The following PHF14 variants were observed in gnomAD, a reference collection of about 807,000 sequenced individuals.
PHF14 encodes the protein PHD finger protein 14.
PHF14 carries 55 observed loss-of-function variants against 117.9 expected under a neutral mutation model. That is an observed-to-expected ratio of 0.47 (90% CI 0.38 to 0.58). The LOEUF (loss-of-function observed/expected upper bound fraction) is 0.58, where lower values mean the gene tolerates loss of function less well. Ranked by LOEUF, PHF14 falls within the 20% of genes least tolerant of loss-of-function variation. The pLI is 0.00. For synonymous variants in PHF14, 409 were observed against 368.6 expected, an observed-to-expected ratio of 1.11 and a Z score of -1.26; for missense variants, 978 against 1,122.2, an observed-to-expected ratio of 0.87 and a Z score of 1.84.
At chr7:10,997,885 C>T (rs1037571964) in intron 4 of PHF14, among the ~76,000 whole-genome samples, 4 of 152,266 alleles carry the variant, frequency 2.6e-5, no homozygotes, top group Admixed American at 2.0e-4. Flanking sequence ...ACCATTTCTG[C>T]CATATTCCGC....
At chr7:11,154,906 A>T (rs1190165687) in intron 17 of PHF14, among the ~76,000 whole-genome samples, 1 of 152,148 alleles carries the variant, frequency 6.6e-6, no homozygotes. Context: ...CAAGATCAAG[A>T]AATTAGAGTG....
Position 11,051,717 on chromosome 7 carries a change from A to G in PHF14, c.2418A>G (p.Glu806=). Residue 806 remains glutamate, a synonymous_variant, in exon 14 of 18, where the codon GAA becomes GAG. Transcript: ENST00000634607. The part of the protein sequence containing the change: ...GTKRSRRQIK[E]PVKFVPQDVP... The stretch of plus-strand genomic sequence containing the variant: ...AACGATCAAGGAGGCAGATTAAGGA[A>G]CCAGTGAAATTTGTTCCACAGGATG... 1.2e-6 allele frequency: 2 copies of G among 1,613,688 alleles called. No individual in the cohort carries two copies. Among genetic ancestry groups the G allele is most frequent in the Non-Finnish European group, 1.7e-6 (2 of 1,179,674 alleles).
chr7:11,073,734 CT>C (rs1785714108), intron 16 of PHF14, among the ~76,000 whole-genome samples: 1 of 152,218 alleles, frequency 6.6e-6, no homozygotes, highest in Non-Finnish European at 1.5e-5. Context: ...TGTGAAGGCT[CT>C]GTCTCTGTGA....
chr7:11,109,540 CAT>C (rs376428725), intron 16 of PHF14: 4 of 151,966 alleles, frequency 2.6e-5, no homozygotes, highest in African/African-American at 9.6e-5. Context: ...TCAGCCTTCT[CAT>C]AAACTCAGAA....
At chr7:11,096,652 A>C (rs1786880720) in intron 16 of PHF14, among the ~76,000 whole-genome samples, 1 of 152,192 alleles carries the variant, frequency 6.6e-6, no homozygotes, top group Non-Finnish European at 1.5e-5. Flanking sequence ...ATGTGAAAAG[A>C]AAAAGAAAAA....
intron 6 of PHF14, 68 bp from the exon 7 acceptor site, chr7:11,028,613 G>T: frequency 1.4e-6 from 2 of 1,394,804 alleles, no homozygotes; most frequent in East Asian, 2.3e-5. Context: ...TGGACACTTT[G>T]TATGAGAATG....
intron 2 of PHF14, among the ~76,000 whole-genome samples, chr7:10,978,340 G>T (rs1480597284): frequency 6.6e-6 from 1 of 152,176 alleles, no homozygotes; most frequent in African/African-American, 2.4e-5. Context: ...AAGGATGGTT[G>T]ATCACTTGTG....
At chr7:11,123,926 A>G (rs764162145) in intron 17 of PHF14, among the ~76,000 whole-genome samples, 28 of 152,138 alleles carry the variant, frequency 1.8e-4, no homozygotes, top group Non-Finnish European at 3.5e-4. Flanking sequence ...TCAAAAAAAA[A>G]AAAACTAGAA....
intron 2 of PHF14, among the ~76,000 whole-genome samples, chr7:10,977,666 A>C (rs1453252088): frequency 6.6e-6 from 1 of 152,160 alleles, no homozygotes; most frequent in African/African-American, 2.4e-5. Flanking sequence ...TTTTTGATTG[A>C]AAGCAGTCAA....
intron 4 of PHF14, among the ~76,000 whole-genome samples, chr7:11,001,826 A>C (rs1056276537): frequency 4.6e-5 from 7 of 151,884 alleles, no homozygotes; most frequent in African/African-American, 1.5e-4. Flanking sequence ...AGATAATTTT[A>C]TTTCTTTCTT....
At chr7:11,066,979 A>G (rs137962293) in intron 16 of PHF14, among the ~76,000 whole-genome samples, 1 of 152,284 alleles carries the variant, frequency 6.6e-6, no homozygotes, top group Non-Finnish European at 1.5e-5. Flanking sequence ...GACTAAATTC[A>G]AAGTTAAAAA....
chr7:11,078,735 A>G (rs1785962633), intron 16 of PHF14, among the ~76,000 whole-genome samples: 1 of 152,130 alleles, frequency 6.6e-6, no homozygotes, highest in Admixed American at 6.5e-5. Flanking sequence ...TTTTTAGACT[A>G]TAGCTTTGAA....
At chr7:11,133,394 A>G (rs1788136870) in intron 17 of PHF14, among the ~76,000 whole-genome samples, 1 of 152,116 alleles carries the variant, frequency 6.6e-6, no homozygotes, top group East Asian at 1.9e-4. Flanking sequence ...ATAGACCCAC[A>G]TAAGTATAGT....
chr7:11,024,954 A>G (rs1783858769), intron 6 of PHF14, among the ~76,000 whole-genome samples: 1 of 152,256 alleles, frequency 6.6e-6, no homozygotes, highest in Admixed American at 6.5e-5. Flanking sequence ...GGATCTGGGC[A>G]AAGTAAATTG....
chr7:11,026,209 A>G (rs1259575049), intron 6 of PHF14, among the ~76,000 whole-genome samples: 1 of 152,150 alleles, frequency 6.6e-6, no homozygotes, highest in Non-Finnish European at 1.5e-5. Flanking sequence ...CATCAAAGCA[A>G]CATCTTTCAC....
Position 11,139,808 on chromosome 7 carries a change from A to G in PHF14, c.2772+28341A>G, listed in dbSNP as rs565655686. Among the ~76,000 whole-genome samples, 14 of 152,282 alleles carry G rather than the reference A, an allele frequency of 9.2e-5. No individual in the cohort carries two copies. In the South Asian group the frequency reaches 2.9e-3, roughly 32 times the overall value. The stretch of plus-strand genomic sequence containing the variant: ...AAGTAAAAAGGTAAATGTTTATAGA[A>G]TTGATGAAAATTGAGTAAAATTTTC... On this transcript the variant is annotated intron_variant, in intron 17 of 17. Transcript: ENST00000634607.
At chr7:11,036,007 CA>C (rs1784314554) in intron 8 of PHF14, among the ~76,000 whole-genome samples, 1 of 152,078 alleles carries the variant, frequency 6.6e-6, no homozygotes, top group African/African-American at 2.4e-5. Context: ...TAAATTTTCA[CA>C]TTGAAAAATG....
chr7:10,980,805 G>T (rs1252251654), intron 2 of PHF14, among the ~76,000 whole-genome samples: 12 of 152,158 alleles, frequency 7.9e-5, no homozygotes, highest in Admixed American at 7.9e-4. Flanking sequence ...AATATATGGT[G>T]CATGTTCCAT....
At chr7:11,095,972 C>T (rs2128339906) in intron 16 of PHF14, among the ~76,000 whole-genome samples, 1 of 152,156 alleles carries the variant, frequency 6.6e-6, no homozygotes, top group South Asian at 2.1e-4. Context: ...ACTCTGAATT[C>T]ATAACTAGTA....
Sources: gnomAD v4.1 joint callset for allele counts (sites outside exome capture counted in the v4.1 genomes callset) on GRCh38, gnomAD v4.1.1 for gene constraint, MANE v1.5 for transcripts, NCBI Gene and HGNC (gene_info 2026-07-23, HGNC 2026-07-21) for gene names.